Variants in SYT9 observed in about 807,000 individuals in gnomAD.
SYT9 encodes synaptotagmin 9, also known as synaptotagmin-9.
Under a neutral mutation model 48.4 loss-of-function variants are expected in SYT9, and 22 were observed. The ratio of observed to expected loss-of-function variants is 0.45; its 90% CI spans 0.32 to 0.65. The LOEUF (loss-of-function observed/expected upper bound fraction) is 0.65, where lower values mean the gene tolerates loss of function less well. Among genes scored for constraint, SYT9 ranks in the 30% least tolerant of loss-of-function variants. SYT9 has a pLI of 0.03. For synonymous variants in SYT9, 265 were observed against 245.0 expected (o/e 1.08, Z -0.76); for missense variants, 577 against 622.0 (o/e 0.93, Z 0.77).
intron 2 of SYT9, among the ~76,000 whole-genome samples, chr11:7,312,067 C>T (rs544747517): frequency 1.5e-4 from 23 of 152,244 alleles, no homozygotes; most frequent in African/African-American, 5.1e-4. Flanking sequence ...TGTGACTGGG[C>T]TATGTCTGCT....
At chr11:7,300,890 G>A (rs1848908003) in intron 1 of SYT9, among the ~76,000 whole-genome samples, 3 of 152,130 alleles carry the variant, frequency 2.0e-5, no homozygotes, top group East Asian at 1.9e-4. Flanking sequence ...CCCACCTCAT[G>A]TTGGGCTCTT....
intron 6 of SYT9, among the ~76,000 whole-genome samples, chr11:7,422,580 AC>A (rs1404093179): frequency 6.6e-6 from 1 of 152,150 alleles, no homozygotes; most frequent in Admixed American, 6.5e-5. Flanking sequence ...GACTTTTTGC[AC>A]CCTTATGAGC....
chr11:7,240,593 T>A (rs1248936477), intron 1 of SYT9, among the ~76,000 whole-genome samples: 1 of 152,220 alleles, frequency 6.6e-6, no homozygotes. Context: ...TACCGTCTCT[T>A]ACTATTTGAT....
chr11:7,466,224 C>T (rs182853472), intron 6 of SYT9, among the ~76,000 whole-genome samples: 53 of 152,326 alleles, frequency 3.5e-4, no homozygotes, highest in Non-Finnish European at 6.6e-4. Context: ...CAAGACTCAT[C>T]AATCAGAATG....
At chr11:7,432,049 A>T (rs1847584407) in intron 6 of SYT9, among the ~76,000 whole-genome samples, 1 of 152,208 alleles carries the variant, frequency 6.6e-6, no homozygotes, top group African/African-American at 2.4e-5. Context: ...CAGCCCCCAG[A>T]CCTCAGAATG....
intron 2 of SYT9, among the ~76,000 whole-genome samples, chr11:7,309,798 A>G (rs978849044): frequency 3.9e-5 from 6 of 152,118 alleles, no homozygotes; most frequent in Non-Finnish European, 8.8e-5. Context: ...GAGGTTATAC[A>G]GGGAGGTTAT....
rs1429999862 is a variant in SYT9, at chr11:7,317,966, T to C, written c.1044+4025T>C. Among the ~76,000 whole-genome samples, 5 of 152,258 alleles carry C rather than the reference T, an allele frequency of 3.3e-5. No homozygotes were observed. In the East Asian group the frequency reaches 9.6e-4, roughly 29 times the overall value. ...TTTTCTCACACATTTTAGAATCACA[T>C]TGCCAAGTTAAACACCCTCTCTGGT... On this transcript the variant is annotated intron_variant, in intron 3 of 6. Coordinates refer to ENST00000318881, the MANE Select transcript of SYT9 (RefSeq NM_175733.4).
At chr11:7,449,266 C>T (rs959598259) in intron 6 of SYT9, among the ~76,000 whole-genome samples, 1 of 145,020 alleles carries the variant, frequency 6.9e-6, no homozygotes, top group African/African-American at 2.6e-5. Context: ...ATTGCTTGAA[C>T]CCAGGAGGCA....
At chr11:7,430,306 A>G (rs564302694) in intron 6 of SYT9, among the ~76,000 whole-genome samples, 9 of 152,368 alleles carry the variant, frequency 5.9e-5, no homozygotes, top group African/African-American at 1.9e-4. Flanking sequence ...GAGGGTTTCT[A>G]TAAAGCAAGG....
chr11:7,453,708 A>G (rs1445681226), intron 6 of SYT9, among the ~76,000 whole-genome samples: 1 of 152,236 alleles, frequency 6.6e-6, no homozygotes, highest in African/African-American at 2.4e-5. Context: ...CAGACAGCCA[A>G]GCAGAGGCCT....
At chr11:7,288,796 T>G (rs1848646134) in intron 1 of SYT9, among the ~76,000 whole-genome samples, 1 of 152,234 alleles carries the variant, frequency 6.6e-6, no homozygotes, top group South Asian at 2.1e-4. Context: ...CCACTAGTGA[T>G]GCAGCCTCAA....
At chr11:7,440,018 A>G (rs915273982) in intron 6 of SYT9, 3 of 152,200 alleles carry the variant, frequency 2.0e-5, no homozygotes, top group African/African-American at 7.2e-5. Context: ...ATCCATTTCT[A>G]TTATTGTTCC....
At chr11:7,286,615 A>G (rs1377687045) in intron 1 of SYT9, among the ~76,000 whole-genome samples, 1 of 152,102 alleles carries the variant, frequency 6.6e-6, no homozygotes, top group Admixed American at 6.6e-5. Context: ...TTTCTATCAT[A>G]TTGTCAGGCT....
chr11:7,254,075 TCA>T (rs1271215348), intron 1 of SYT9, among the ~76,000 whole-genome samples: 2 of 152,284 alleles, frequency 1.3e-5, no homozygotes, highest in East Asian at 3.9e-4. Flanking sequence ...TCCTGTGTTC[TCA>T]GATTCTCTTC....
Position 7,313,788 on chromosome 11 carries a change from C to T in SYT9, c.891C>T (p.Asp297=). 6.2e-7 allele frequency: 1 copy of T among 1,614,224 alleles called. No individual in the cohort carries two copies. The highest frequency in any genetic ancestry group is 8.5e-7 in the Non-Finnish European group (1 of 1,180,034). The change falls in exon 3 of 7, where the codon GAC becomes GAT. Residue 297 remains aspartate (D), a synonymous_variant. Transcript: ENST00000318881. ...EVFLFPVPYN[D]LEARKLHFSV... is the part of the protein sequence containing the mutation. ...TTTTATTTCCGGTTCCCTACAATGA[C>T]CTTGAAGCACGGAAGCTTCACTTCT...
rs951822093 is a variant in SYT9 at position 7,468,488 on chromosome 11, G to C, written c.*1688G>C. On this transcript the variant is annotated 3_prime_UTR_variant, in exon 7 of 7. Coordinates refer to ENST00000318881, the MANE Select transcript of SYT9 (RefSeq NM_175733.4). ...GAAAACTTGGCTTCCTCTGCTCAAG[G>C]TTCCCCTCTGCTCATCCCTCCTCAT... The C allele has an allele frequency of 5.1e-6, 2 of 394,556 alleles. No individual in the cohort carries two copies. The highest frequency in any genetic ancestry group is 2.9e-4 in the South Asian group (2 of 6,994). 24.4% of individuals were successfully genotyped at this position (394,556 alleles called of 1,614,324 possible). A position where few individuals can be genotyped will look rare whatever the true frequency, so the allele number is the denominator to read the frequency against.
In SYT9 at chr11:7,407,536, G is replaced by A. The variant is rs1392607376; in HGVS notation, c.1045-8506G>A. Among the ~76,000 whole-genome samples the A allele has an allele frequency of 6.6e-4, 66 of 99,258 alleles. 15 individuals are homozygous for A. The highest frequency in any genetic ancestry group is 9.3e-4 in the Non-Finnish European group (49 of 52,674). 65.1% of individuals were successfully genotyped at this position (99,258 alleles called of 152,430 possible). A position where few individuals can be genotyped will look rare whatever the true frequency, so the allele number is the denominator to read the frequency against. On this transcript the variant is annotated intron_variant, in intron 3 of 6. Transcript: ENST00000318881. ...GCTGGGACTACAGGCGCCCGCCACCGCGCCCGGCTAATTTTTTGTATTTTT... is the reference window on the plus strand; with the variant it reads ...GCTGGGACTACAGGCGCCCGCCACCACGCCCGGCTAATTTTTTGTATTTTT...
intron 3 of SYT9, among the ~76,000 whole-genome samples, chr11:7,361,197 T>C (rs1295357541): frequency 1.4e-5 from 2 of 146,680 alleles, no homozygotes; most frequent in African/African-American, 2.7e-5. Flanking sequence ...TTGCTTTTTG[T>C]TGCAGTTTGT....
intron 3 of SYT9, among the ~76,000 whole-genome samples, chr11:7,380,201 A>G (rs533530247): frequency 1.6e-4 from 25 of 152,268 alleles, no homozygotes; most frequent in African/African-American, 6.0e-4. Context: ...CAGAAAGACA[A>G]ACATCATATG....
Sources: allele counts gnomAD v4.1 joint callset (sites outside exome capture counted in the v4.1 genomes callset), GRCh38; gene constraint gnomAD v4.1.1; transcripts MANE v1.5; gene names NCBI Gene and HGNC (gene_info 2026-07-23, HGNC 2026-07-21).